ROBO1: variants seen among roughly 807,000 people sequenced by gnomAD.
ROBO1 encodes the protein roundabout guidance receptor 1.
Under a neutral mutation model 195.9 loss-of-function variants are expected in ROBO1, and 149 were observed. That is an observed-to-expected ratio of 0.76 (90% confidence interval 0.67 to 0.87). The LOEUF is 0.87. Ranked by LOEUF, ROBO1 falls within the 40% of genes least tolerant of loss-of-function variation. The pLI is 0.00. For missense variants in ROBO1, 1,933 were observed against 2,068.3 expected (o/e 0.93, Z 1.27); for synonymous variants, 816 against 733.2 (o/e 1.11, Z -1.82).
chr3:78,746,716 T>G, intron 5 of ROBO1, 27 bp downstream of exon 5: 4 of 1,427,126 alleles, frequency 2.8e-6, no homozygotes, highest in Non-Finnish European at 3.7e-6. Context: ...CCAACAAATG[T>G]CCTCTGCTGT....
chr3:79,254,168 T>G (rs1355739770), intron 2 of ROBO1, among the ~76,000 whole-genome samples: 2 of 152,212 alleles, frequency 1.3e-5, no homozygotes, highest in Non-Finnish European at 2.9e-5. Context: ...TTGAAACATT[T>G]GACCATTTAA....
chr3:78,866,511 T>C (rs937881083), intron 4 of ROBO1, among the ~76,000 whole-genome samples: 12 of 152,300 alleles, frequency 7.9e-5, no homozygotes, highest in African/African-American at 2.2e-4. Flanking sequence ...TCCCATGCCA[T>C]TTCCTTGAAT....
intron 2 of ROBO1, 78 bp downstream of exon 2, chr3:79,589,746 C>T: frequency 1.7e-6 from 2 of 1,170,952 alleles, no homozygotes; most frequent in Non-Finnish European, 2.5e-6. Context: ...TGATTTGCAA[C>T]ACACACAATA....
chr3:79,079,841 A>AT (rs1347967798), intron 3 of ROBO1, among the ~76,000 whole-genome samples: 1 of 151,850 alleles, frequency 6.6e-6, no homozygotes, highest in African/African-American at 2.4e-5. Flanking sequence ...GCGATAGTCC[A>AT]TTTTTAAAAG....
chr3:78,942,886 T>C (rs2040213461), intron 3 of ROBO1, among the ~76,000 whole-genome samples: 1 of 151,948 alleles, frequency 6.6e-6, no homozygotes, highest in African/African-American at 2.4e-5. Flanking sequence ...CACTTCAGCC[T>C]GGGCAACATA....
At chr3:79,716,717 A>T (rs927759595) in intron 1 of ROBO1, among the ~76,000 whole-genome samples, 8 of 151,956 alleles carry the variant, frequency 5.3e-5, no homozygotes, top group Non-Finnish European at 1.0e-4. Flanking sequence ...CTGCACAAGA[A>T]ATGGAAGACG....
At chr3:79,574,361 C>G (rs1293951330) in intron 2 of ROBO1, among the ~76,000 whole-genome samples, 1 of 151,884 alleles carries the variant, frequency 6.6e-6, no homozygotes, top group Non-Finnish European at 1.5e-5. Context: ...CTTTTCCTAG[C>G]TTTTATTCCA....
In ROBO1 at chr3:79,042,428, C is replaced by T. The variant is rs965420410; in HGVS notation, c.172+83028G>A. Among the ~76,000 whole-genome samples the T allele has an allele frequency of 1.3e-5, 2 of 152,138 alleles. 1 individual carries two copies. The highest frequency in any genetic ancestry group is 4.1e-4 in the South Asian group (2 of 4,828). On this transcript the variant is annotated intron_variant, in intron 3 of 30. Coordinates refer to ENST00000464233, the MANE Select transcript of ROBO1 (RefSeq NM_002941.4). ...ATTCCGATGGCGGTCGCACAGCTGA[C>T]AAAGATTAGACCCTGCTTTTAAACT...
At chr3:78,753,851 G>A (rs2082860683) in intron 4 of ROBO1, among the ~76,000 whole-genome samples, 1 of 152,122 alleles carries the variant, frequency 6.6e-6, no homozygotes, top group Non-Finnish European at 1.5e-5. Flanking sequence ...AAAATCATAT[G>A]TTCTAACTTA....
chr3:79,729,056 C>T (rs115301366), intron 1 of ROBO1, among the ~76,000 whole-genome samples: 1,877 of 151,978 alleles, frequency 0.012, 33 homozygotes, highest in African/African-American at 0.042. Context: ...ACATTGTTTC[C>T]GTAGCACATT....
At chr3:79,377,360 T>A (rs2036421711) in intron 2 of ROBO1, among the ~76,000 whole-genome samples, 1 of 152,198 alleles carries the variant, frequency 6.6e-6, no homozygotes, top group Non-Finnish European at 1.5e-5. Flanking sequence ...ATATTACATT[T>A]TACAAATAAT....
chr3:79,475,152 A>T (rs563489987), intron 2 of ROBO1, among the ~76,000 whole-genome samples: 2,542 of 150,720 alleles, frequency 0.017, 30 homozygotes, highest in South Asian at 0.026. Flanking sequence ...TTTTTTTTTA[A>T]AAAAAAATCT....
intron 2 of ROBO1, among the ~76,000 whole-genome samples, chr3:79,135,882 C>G (rs1328354810): frequency 6.6e-6 from 1 of 152,206 alleles, no homozygotes; most frequent in Non-Finnish European, 1.5e-5. Context: ...GGTGATCCAC[C>G]CGCCTTGGCC....
At chr3:79,008,263 T>C (rs1185986647) in intron 3 of ROBO1, among the ~76,000 whole-genome samples, 1 of 152,202 alleles carries the variant, frequency 6.6e-6, no homozygotes, top group Non-Finnish European at 1.5e-5. Context: ...GTACACAACT[T>C]GAATCTTGTA....
At position 79,227,373 on chromosome 3, in the gene ROBO1, T is replaced by G. The variant is rs1388655775; in HGVS notation, c.89-101834A>C. Among the ~76,000 whole-genome samples the G allele has an allele frequency of 4.6e-5, 7 of 152,204 alleles. No homozygotes were observed. In the East Asian group the frequency reaches 9.6e-4, roughly 21 times the overall value. On this transcript the variant is annotated intron_variant, in intron 2 of 30. Coordinates refer to ENST00000464233, the MANE Select transcript of ROBO1 (RefSeq NM_002941.4). ...CATATTCAATGTTTCTTCTATCTCC[T>G]ATATTTAGGAGATTCCCTGAATTGT...
chr3:79,575,094 A>AAACAAATATATATATAT (rs1274336098), intron 2 of ROBO1, among the ~76,000 whole-genome samples: 4 of 141,680 alleles, frequency 2.8e-5, no homozygotes, highest in African/African-American at 1.0e-4. Flanking sequence ...AAGGAAATGA[A>AAACAAATATATATATAT]AACAAATATA....
At chr3:79,368,297 T>C (rs2109327873) in intron 2 of ROBO1, among the ~76,000 whole-genome samples, 1 of 152,316 alleles carries the variant, frequency 6.6e-6, no homozygotes, top group Middle Eastern at 3.4e-3. Context: ...AATTCATTCA[T>C]GCTAGAGTCC....
intron 2 of ROBO1, among the ~76,000 whole-genome samples, chr3:79,419,927 A>G (rs1369294309): frequency 1.3e-5 from 2 of 152,136 alleles, no homozygotes; most frequent in Non-Finnish European, 1.5e-5. Context: ...AGGTATACAT[A>G]CGATATACAA....
At chr3:79,505,374 G>T (rs1219189379) in intron 2 of ROBO1, among the ~76,000 whole-genome samples, 2 of 152,108 alleles carry the variant, frequency 1.3e-5, no homozygotes, top group African/African-American at 4.8e-5. Context: ...TTGCCAAATT[G>T]CGACAATGAT....
Sources: allele counts gnomAD v4.1 joint callset (sites outside exome capture counted in the v4.1 genomes callset), GRCh38; gene constraint gnomAD v4.1.1; transcripts MANE v1.5; gene names NCBI Gene and HGNC (gene_info 2026-07-23, HGNC 2026-07-21).